Variants in STXBP5L observed in about 807,000 individuals in gnomAD.
STXBP5L encodes the protein syntaxin-binding protein 5-like.
Under a neutral mutation model 144.5 loss-of-function variants are expected in STXBP5L, and 65 were observed. The ratio of observed to expected loss-of-function variants is 0.45; its 90% CI spans 0.37 to 0.55. The LOEUF (loss-of-function observed/expected upper bound fraction) is 0.55, where lower values mean the gene tolerates loss of function less well. Ranked by LOEUF, STXBP5L falls within the 20% of genes least tolerant of loss-of-function variation. The probability of loss-of-function intolerance (pLI) is 0.00; values close to 1 mark genes in which losing one functional copy is unlikely to be tolerated. For missense variants in STXBP5L, 1,298 were observed against 1,405.5 expected (o/e 0.92, Z 1.22); for synonymous variants, 505 against 469.6 (o/e 1.08, Z -0.97).
rs536545829 is a variant in STXBP5L at position 121,053,332 on chromosome 3, T to C, written c.470+7797T>C. Among the ~76,000 whole-genome samples the C allele has an allele frequency of 2.7e-3, 406 of 152,192 alleles. 3 individuals carry two copies. The highest frequency in any genetic ancestry group is 6.0e-3 in the South Asian group (29 of 4,816). ...AAGTCGGAGGCATCACACTCCCTGA[T>C]TTCAAACTATACTACAAGGCTACAG... On this transcript the variant is annotated intron_variant, in intron 5 of 26. Coordinates refer to ENST00000471454, the MANE Select transcript of STXBP5L (RefSeq NM_001308330.2).
intron 3 of STXBP5L, among the ~76,000 whole-genome samples, chr3:120,958,521 C>T (rs1261787670): frequency 6.6e-6 from 1 of 152,024 alleles, no homozygotes; most frequent in African/African-American, 2.4e-5. Context: ...ATAATACAAA[C>T]CGAATCCAGC....
chr3:121,055,449 T>G (rs959383795), intron 5 of STXBP5L, among the ~76,000 whole-genome samples: 2 of 152,172 alleles, frequency 1.3e-5, no homozygotes, highest in Non-Finnish European at 2.9e-5. Flanking sequence ...CTTACAATTT[T>G]TGAAGGCAGA....
At position 121,211,273 on chromosome 3, in the gene STXBP5L, A is replaced by AT. The variant is rs199813875; in HGVS notation, c.956+5278dup. On this transcript the variant is annotated intron_variant, in intron 10 of 26. Transcript: ENST00000471454. ...GAATTCTTGTGATTTTTGAACGTTGATTTTTTATCCTGAGACTTTGCTGAT... is the reference window on the plus strand; with the variant it reads ...GAATTCTTGTGATTTTTGAACGTTGATTTTTTTATCCTGAGACTTTGCTGAT... Among the ~76,000 whole-genome samples the AT allele has an allele frequency of 4.8e-3, 724 of 152,260 alleles. 4 individuals carry two copies. Among genetic ancestry groups the AT allele is most frequent in the African/African-American group, 0.016 (664 of 41,564 alleles).
At chr3:121,052,102 C>T (rs183548029) in intron 5 of STXBP5L, among the ~76,000 whole-genome samples, 1 of 152,164 alleles carries the variant, frequency 6.6e-6, no homozygotes, top group Non-Finnish European at 1.5e-5. Context: ...GCTTACCAAC[C>T]AAAAACAGTC....
chr3:121,211,610 C>G (rs1461090581), intron 10 of STXBP5L, among the ~76,000 whole-genome samples: 1 of 120,146 alleles, frequency 8.3e-6, no homozygotes, highest in Admixed American at 1.1e-4. Context: ...GACAGAGTCT[C>G]GCTCTGTCAC....
At chr3:121,208,767 A>ATT in intron 10 of STXBP5L, among the ~76,000 whole-genome samples, 1 of 152,098 alleles carries the variant, frequency 6.6e-6, no homozygotes, top group South Asian at 2.1e-4. Context: ...TTTTTTTCAC[A>ATT]TTATATATAG....
chr3:120,957,498 T>C (rs149881526), intron 3 of STXBP5L, among the ~76,000 whole-genome samples: 3 of 152,152 alleles, frequency 2.0e-5, no homozygotes, highest in East Asian at 1.9e-4. Flanking sequence ...TATTGGCTTG[T>C]AGTGTTCTTT....
At chr3:121,001,510 C>A (rs890839165) in intron 3 of STXBP5L, among the ~76,000 whole-genome samples, 4 of 152,192 alleles carry the variant, frequency 2.6e-5, no homozygotes, top group African/African-American at 7.2e-5. Flanking sequence ...TCCACTGCAG[C>A]CATTCCCACG....
chr3:120,955,055 T>C lies in STXBP5L; in HGVS notation c.287+18T>C, dbSNP rs1163144021. On this transcript the variant is annotated intron_variant, in intron 3 of 26. Transcript: ENST00000471454. ...ATACGAATGTATCCTTAAATTTTGGTTCATTATCTGCCACAGTAATGCCAA... is the reference window on the plus strand; with the variant it reads ...ATACGAATGTATCCTTAAATTTTGGCTCATTATCTGCCACAGTAATGCCAA... The C allele has an allele frequency of 6.3e-7, 1 of 1,580,316 alleles. No individual in the cohort carries two copies. The highest frequency in any genetic ancestry group is 1.3e-5 in the African/African-American group (1 of 74,124).
intron 3 of STXBP5L, among the ~76,000 whole-genome samples, chr3:120,987,293 A>G (rs1420643627): frequency 6.6e-6 from 1 of 152,008 alleles, no homozygotes; most frequent in Admixed American, 6.6e-5. Context: ...TTGTATTATC[A>G]GTATTTTTAA....
At chr3:121,008,707 A>T (rs983249291) in intron 3 of STXBP5L, among the ~76,000 whole-genome samples, 1 of 152,004 alleles carries the variant, frequency 6.6e-6, no homozygotes, top group Non-Finnish European at 1.5e-5. Flanking sequence ...TACTACTAGT[A>T]TATTCAATGG....
At chr3:121,275,337 G>A (rs2050848663) in intron 18 of STXBP5L, among the ~76,000 whole-genome samples, 1 of 151,926 alleles carries the variant, frequency 6.6e-6, no homozygotes, top group Non-Finnish European at 1.5e-5. Flanking sequence ...ATCAGTTTGG[G>A]GAAAAGTAAC....
chr3:120,985,997 T>C (rs995141670), intron 3 of STXBP5L, among the ~76,000 whole-genome samples: 1 of 151,930 alleles, frequency 6.6e-6, no homozygotes, highest in African/African-American at 2.4e-5. Flanking sequence ...TTCCTTATGT[T>C]ATAAAGTTAT....
At chr3:121,316,664 G>A (rs190810582) in intron 19 of STXBP5L, among the ~76,000 whole-genome samples, 14 of 152,258 alleles carry the variant, frequency 9.2e-5, no homozygotes, top group Admixed American at 6.5e-5. Context: ...ATAGATACTA[G>A]TTGCTGTTAT....
chr3:121,048,852 G>T (rs1298081088), intron 5 of STXBP5L, among the ~76,000 whole-genome samples: 1 of 152,032 alleles, frequency 6.6e-6, no homozygotes, highest in Admixed American at 6.6e-5. Flanking sequence ...AGGTCAAGAG[G>T]CACTGCCCAG....
At chr3:121,063,485 C>T (rs901197623) in intron 5 of STXBP5L, among the ~76,000 whole-genome samples, 2 of 152,202 alleles carry the variant, frequency 1.3e-5, no homozygotes, top group African/African-American at 2.4e-5. Context: ...TAGGTACCCA[C>T]TTGAGGAGGC....
chr3:121,381,480 A>G lies in STXBP5L; in HGVS notation c.2535A>G (p.Leu845=). The G allele has an allele frequency of 3.8e-6, 6 of 1,594,920 alleles. No homozygotes were observed. The highest frequency in any genetic ancestry group is 5.1e-6 in the Non-Finnish European group (6 of 1,174,810). ...TGGTGTTAATCATCTCCTTAAACCT[A>G]CCATTAGCAGATGAACAAAGGTTTA... ...LGMVLIISLN[L]PLADEQRFTE... The change falls in exon 22 of 27, where the codon CTA becomes CTG. Residue 845 remains leucine (L), a synonymous_variant. Transcript: ENST00000471454.
Position 121,179,639 on chromosome 3 carries a change from G to A in STXBP5L, c.877+22012G>A, listed in dbSNP as rs114290852. On this transcript the variant is annotated intron_variant, in intron 9 of 26. Transcript: ENST00000471454. ...TCAGATTGATTATTGAGCTACTCAA[G>A]GAAATACCAGAGAAAGGTGAAAACG... Among the ~76,000 whole-genome samples the A allele has an allele frequency of 4.6e-3, 703 of 152,034 alleles. 6 individuals are homozygous for A. The highest frequency in any genetic ancestry group is 0.016 in the African/African-American group (665 of 41,482).
chr3:121,294,114 G>C (rs1365841012), intron 19 of STXBP5L, among the ~76,000 whole-genome samples: 1 of 152,232 alleles, frequency 6.6e-6, no homozygotes, highest in African/African-American at 2.4e-5. Context: ...ACACTGCTGT[G>C]TGAAGAAAAT....
Sources: allele counts gnomAD v4.1 joint callset (sites outside exome capture counted in the v4.1 genomes callset), GRCh38; gene constraint gnomAD v4.1.1; transcripts MANE v1.5; gene names NCBI Gene and HGNC (gene_info 2026-07-23, HGNC 2026-07-21).